Variants in PLCG2 observed in about 807,000 individuals in gnomAD.
PLCG2 encodes the protein 1-phosphatidylinositol 4,5-bisphosphate phosphodiesterase gamma-2.
PLCG2 carries 69 observed loss-of-function variants against 175.6 expected under a neutral mutation model. The observed-to-expected ratio is 0.39, with a 90% CI of 0.32 to 0.48. The LOEUF (loss-of-function observed/expected upper bound fraction) is 0.48. Ranked by LOEUF, PLCG2 falls within the 20% of genes least tolerant of loss-of-function variation. The pLI is 0.91. For synonymous variants in PLCG2, 827 were observed against 624.0 expected (o/e 1.33, Z -4.85); for missense variants, 1,798 against 1,650.9 (o/e 1.09, Z -1.54).
At chr16:81,751,664 G>A (rs1195304293) in intron 1 of PLCG2, among the ~76,000 whole-genome samples, 1 of 152,158 alleles carries the variant, frequency 6.6e-6, no homozygotes, top group Non-Finnish European at 1.5e-5. Flanking sequence ...TGATGGATAT[G>A]TTAACTAGCT....
At chr16:81,823,283 G>T (rs569765358) in intron 2 of PLCG2, among the ~76,000 whole-genome samples, 2 of 152,334 alleles carry the variant, frequency 1.3e-5, no homozygotes, top group South Asian at 4.1e-4. Context: ...GTGAGCCCCT[G>T]TGGCCGGGGC....
Position 81,895,645 on chromosome 16 carries a change from A to T in PLCG2, c.1073-162A>T, listed in dbSNP as rs1414704135. On this transcript the variant is annotated intron_variant, in intron 12 of 32. Transcript: ENST00000564138. Reference sequence around the variant, plus strand: ...CTTGCATTATGTAAGCGCACAGGGAACCCTGCGGATACAGGGAAAGCCATG... The same window carrying T: ...CTTGCATTATGTAAGCGCACAGGGATCCCTGCGGATACAGGGAAAGCCATG... 1.8e-5 allele frequency: 12 copies of T among 678,524 alleles called. No individual in the cohort carries two copies. The East Asian group carries it at 2.7e-4, about 15-fold the overall frequency. The allele number at this position is 678,524 out of a possible 1,614,324, so 42.0% of individuals were successfully genotyped here.
At chr16:81,876,565 C>G (rs1394778447) in intron 7 of PLCG2, among the ~76,000 whole-genome samples, 1 of 152,166 alleles carries the variant, frequency 6.6e-6, no homozygotes, top group East Asian at 1.9e-4. Context: ...GGGCCCGACT[C>G]AGAGATGACA....
chr16:81,802,380 G>T (rs57838502), intron 2 of PLCG2, among the ~76,000 whole-genome samples: 30,189 of 151,380 alleles, frequency 0.2, 3,702 homozygotes, highest in African/African-American at 0.36. Flanking sequence ...CCAAAGTGCT[G>T]GGATTACAGG....
intron 19 of PLCG2, among the ~76,000 whole-genome samples, chr16:81,917,943 G>A (rs1242222192): frequency 1.3e-5 from 2 of 152,072 alleles, no homozygotes; most frequent in Admixed American, 6.5e-5. Context: ...GGCTGGTATC[G>A]AACTCCTGAC....
At chr16:81,770,796 C>T (rs1404298982) in intron 2 of PLCG2, among the ~76,000 whole-genome samples, 3 of 152,070 alleles carry the variant, frequency 2.0e-5, no homozygotes, top group East Asian at 1.9e-4. Flanking sequence ...CGGTGGCTCA[C>T]GCCTGTTATC....
At chr16:81,891,877 C>A (rs1908654620) in intron 11 of PLCG2, among the ~76,000 whole-genome samples, 1 of 152,094 alleles carries the variant, frequency 6.6e-6, no homozygotes, top group African/African-American at 2.4e-5. Context: ...ACATAGTAAA[C>A]TTAGTTTTTC....
At chr16:81,816,363 C>T (rs1347742395) in intron 2 of PLCG2, among the ~76,000 whole-genome samples, 4 of 152,056 alleles carry the variant, frequency 2.6e-5, no homozygotes, top group Non-Finnish European at 4.4e-5. Flanking sequence ...AGAGTAAGGC[C>T]CTGTCTCAAA....
intron 31 of PLCG2, among the ~76,000 whole-genome samples, chr16:81,955,086 G>A (rs1396118848): frequency 6.6e-6 from 1 of 152,140 alleles, no homozygotes; most frequent in Non-Finnish European, 1.5e-5. Flanking sequence ...TCTTCCCAAT[G>A]CCTCACTTGA....
At position 81,889,278 on chromosome 16, in the gene PLCG2, G is replaced by A. The variant is rs1377872536; in HGVS notation, c.867+5G>A. On this transcript the variant is annotated splice_donor_5th_base_variant and intron_variant, in intron 10 of 32. Transcript: ENST00000564138. ...CCTTTCTTGTTTGTGGATGAGGTGA[G>A]TAGGCTGGGCTTGTTGTCGCTTGGG... 3 of 1,545,150 alleles carry A rather than the reference G, an allele frequency of 1.9e-6. No individual in the cohort carries two copies. The highest frequency in any genetic ancestry group is 1.7e-5 in the Admixed American group (1 of 57,678).
chr16:81,770,337 C>G (rs1283082064), intron 2 of PLCG2, among the ~76,000 whole-genome samples: 3 of 152,166 alleles, frequency 2.0e-5, no homozygotes, highest in East Asian at 1.9e-4. Flanking sequence ...ACAACTAAGA[C>G]ATGCATAGTA....
intron 25 of PLCG2, 112 bp downstream of exon 25, chr16:81,931,766 T>A (rs1910512493): frequency 2.4e-6 from 2 of 846,956 alleles, no homozygotes; most frequent in Admixed American, 4.5e-5. Flanking sequence ...CAGGTCCTAC[T>A]CAGAATTCAG....
intron 13 of PLCG2, among the ~76,000 whole-genome samples, chr16:81,896,132 G>A (rs941427857): frequency 3.9e-5 from 6 of 152,084 alleles, no homozygotes; most frequent in Non-Finnish European, 4.4e-5. Flanking sequence ...AGTTGCTCCC[G>A]GGCTCTAGAG....
At chr16:81,776,834 T>C (rs11150410), upstream of PLCG2, among the ~76,000 whole-genome samples, 148,017 of 152,282 alleles carry the variant, frequency 0.97, 71,953 homozygotes, top group East Asian at 1. Context: ...GGATTACAGG[T>C]ATGAGCCACT....
chr16:81,807,109 T>C (rs1904284742), intron 2 of PLCG2, among the ~76,000 whole-genome samples: 1 of 152,202 alleles, frequency 6.6e-6, no homozygotes, highest in South Asian at 2.1e-4. Flanking sequence ...TCAATGCATT[T>C]CCTTCTCCAG....
intron 2 of PLCG2, among the ~76,000 whole-genome samples, chr16:81,819,646 G>A (rs960942703): frequency 8.5e-5 from 13 of 152,126 alleles, no homozygotes; most frequent in African/African-American, 1.7e-4. Context: ...GTGCGGTGGC[G>A]CTATCTCGGC....
At chr16:81,789,709 C>T (rs35692238) in intron 2 of PLCG2, among the ~76,000 whole-genome samples, 11,903 of 152,128 alleles carry the variant, frequency 0.078, 591 homozygotes, top group Middle Eastern at 0.12. Flanking sequence ...AATAAGTCCC[C>T]CGGATGGTCT....
chr16:81,906,498 C>A (rs957456272), intron 15 of PLCG2: 2 of 152,176 alleles, frequency 1.3e-5, no homozygotes, highest in African/African-American at 4.8e-5. Context: ...GATCTTAGCT[C>A]ACCACAGACT....
intron 7 of PLCG2, among the ~76,000 whole-genome samples, chr16:81,877,334 T>C (rs1204759093): frequency 3.3e-5 from 5 of 152,148 alleles, no homozygotes; most frequent in Non-Finnish European, 5.9e-5. Flanking sequence ...CGGGTGCCTG[T>C]AGTCCCAGCT....
Sources: gnomAD v4.1 joint callset for allele counts (sites outside exome capture counted in the v4.1 genomes callset) on GRCh38, gnomAD v4.1.1 for gene constraint, MANE v1.5 for transcripts, NCBI Gene and HGNC (gene_info 2026-07-23, HGNC 2026-07-21) for gene names.